RXFP1: variants seen among roughly 807,000 people sequenced by gnomAD.
RXFP1 encodes the protein relaxin receptor 1.
In RXFP1, 73 loss-of-function variants were observed where a neutral mutation model predicts 89.8. That is an observed-to-expected ratio of 0.81 (90% confidence interval 0.67 to 0.99). RXFP1 has a LOEUF of 0.99. Ranked by LOEUF, RXFP1 falls within the 50% of genes least tolerant of loss-of-function variation. The probability of loss-of-function intolerance (pLI) is 0.00; values close to 1 mark genes in which losing one functional copy is unlikely to be tolerated. For missense variants in RXFP1, 793 were observed against 895.5 expected (o/e 0.89, Z 1.46); for synonymous variants, 277 against 305.5 (o/e 0.91, Z 0.97).
At chr4:158,541,380 A>ACACACACACACG (rs1248381072) in intron 1 of RXFP1, among the ~76,000 whole-genome samples, 43 of 151,720 alleles carry the variant, frequency 2.8e-4, no homozygotes, top group African/African-American at 9.9e-4. Context: ...ACACACACAC[A>ACACACACACACG]CAGTGTCCAG....
intron 1 of RXFP1, among the ~76,000 whole-genome samples, chr4:158,554,684 T>C (rs1298640888): frequency 6.6e-6 from 1 of 152,068 alleles, no homozygotes; most frequent in Non-Finnish European, 1.5e-5. Context: ...TTTAGCAAAT[T>C]ATTTACACAC....
chr4:158,584,274 G>C (rs139611185), intron 2 of RXFP1, among the ~76,000 whole-genome samples: 10,169 of 151,828 alleles, frequency 0.067, 442 homozygotes, highest in Non-Finnish European at 0.11. Flanking sequence ...CTCTACTAAA[G>C]ATACAAAAAA....
intron 1 of RXFP1, among the ~76,000 whole-genome samples, chr4:158,557,318 T>C (rs1305053681): frequency 6.6e-6 from 1 of 152,238 alleles, no homozygotes; most frequent in African/African-American, 2.4e-5. Context: ...ACTAATAATT[T>C]AGGTTTGTAT....
At chr4:158,602,699 A>G (rs955923214) in intron 4 of RXFP1, among the ~76,000 whole-genome samples, 8 of 152,236 alleles carry the variant, frequency 5.3e-5, no homozygotes, top group African/African-American at 1.9e-4. Context: ...CAGGTATCCA[A>G]CATGTGCAAA....
intron 2 of RXFP1, among the ~76,000 whole-genome samples, chr4:158,591,372 C>T (rs1579881610): frequency 6.6e-6 from 1 of 152,234 alleles, no homozygotes; most frequent in Non-Finnish European, 1.5e-5. Context: ...GCACCTTGAA[C>T]TTGTTCCTGG....
rs551959239 is a variant in RXFP1 at position 158,614,957 on chromosome 4, G to A, written c.681-2174G>A. Among the ~76,000 whole-genome samples the A allele has an allele frequency of 3.3e-5, 5 of 151,970 alleles. No individual in the cohort carries two copies. In the East Asian group the frequency reaches 9.7e-4, roughly 29 times the overall value. On this transcript the variant is annotated intron_variant, in intron 8 of 17. Coordinates refer to ENST00000307765, the MANE Select transcript of RXFP1 (RefSeq NM_021634.4). ...TCTGAGAAGTAGGTCTCAAGAGTGG[G>A]TTTAAAATATTTAGTTAACCATGCT... is the stretch of plus-strand genomic sequence containing the variant.
intron 3 of RXFP1, among the ~76,000 whole-genome samples, chr4:158,595,642 T>C (rs1760404225): frequency 6.6e-6 from 1 of 152,232 alleles, no homozygotes; most frequent in South Asian, 2.1e-4. Flanking sequence ...TATATTTTTT[T>C]CTTCATGTTC....
At chr4:158,546,346 T>A (rs1748402632) in intron 1 of RXFP1, among the ~76,000 whole-genome samples, 1 of 152,214 alleles carries the variant, frequency 6.6e-6, no homozygotes, top group South Asian at 2.1e-4. Context: ...TAAAGAGATT[T>A]TGGGCTGAGA....
chr4:158,549,326 G>A (rs1749450707), intron 1 of RXFP1, among the ~76,000 whole-genome samples: 1 of 152,084 alleles, frequency 6.6e-6, no homozygotes, highest in Non-Finnish European at 1.5e-5. Context: ...ACTTCTCTGT[G>A]TTGGTTATTC....
rs183526056 is a variant in RXFP1, at chr4:158,606,923, T to G, written c.465-1049T>G. On this transcript the variant is annotated intron_variant, in intron 5 of 17. Transcript: ENST00000307765. The stretch of plus-strand genomic sequence containing the variant: ...AACATTTCACAATCAAAGTTAGGTT[T>G]TCTTGCATGTTGGAGAAATAGGGTA... 4.7e-4 allele frequency: 338 copies of G among 723,468 alleles called. No homozygotes were observed. The African/African-American group carries it at 5.2e-3, about 11-fold the overall frequency. 44.8% of individuals were successfully genotyped at this position (723,468 alleles called of 1,614,324 possible).
intron 2 of RXFP1, among the ~76,000 whole-genome samples, chr4:158,582,677 T>C (rs1395706668): frequency 6.6e-6 from 1 of 152,206 alleles, no homozygotes; most frequent in Non-Finnish European, 1.5e-5. Flanking sequence ...TATTCCTGTG[T>C]CAAGCCAGAG....
intron 14 of RXFP1, 38 bp downstream of exon 14, chr4:158,639,369 A>G (rs772911565): frequency 2.6e-6 from 3 of 1,142,636 alleles, no homozygotes; most frequent in East Asian, 4.7e-5. Flanking sequence ...TGTGATGTTA[A>G]TATTTGTTTC....
intron 15 of RXFP1, chr4:158,646,422 A>G (rs1394505665): frequency 3.0e-5 from 34 of 1,137,128 alleles, no homozygotes; most frequent in Non-Finnish European, 3.8e-5. Context: ...AGAACCAAGT[A>G]ATGCCATCCT....
At chr4:158,644,041 CTTTTTTTTTT>C (rs70962619) in intron 14 of RXFP1, among the ~76,000 whole-genome samples, 1 of 78,310 alleles carries the variant, frequency 1.3e-5, no homozygotes, top group African/African-American at 4.3e-5. Flanking sequence ...TCTATGTCTT[CTTTTTTTTTT>C]TTTTTTTTTT....
In RXFP1 at chr4:158,563,570, C is replaced by A. The variant is rs139836070; in HGVS notation, c.50-9128C>A. Reference sequence around the variant, plus strand: ...GGAATACTGAAATAAATCTGATTAACACATGCAAAAGAGACCAATAATCTA... The same window carrying A: ...GGAATACTGAAATAAATCTGATTAAAACATGCAAAAGAGACCAATAATCTA... On this transcript the variant is annotated intron_variant, in intron 1 of 17. Transcript: ENST00000307765. Among the ~76,000 whole-genome samples the A allele has an allele frequency of 2.1e-3, 323 of 151,604 alleles. 1 individual carries two copies. The highest frequency in any genetic ancestry group is 7.4e-3 in the African/African-American group (304 of 41,316).
rs1438155859 is a variant in RXFP1, at chr4:158,588,571, C to A, written c.188-4830C>A. Among the ~76,000 whole-genome samples the A allele has an allele frequency of 2.0e-5, 3 of 152,168 alleles. No individual in the cohort carries two copies. In the South Asian group the frequency reaches 6.2e-4, roughly 31 times the overall value. On this transcript the variant is annotated intron_variant, in intron 2 of 17. Transcript: ENST00000307765. Reference sequence around the variant, plus strand: ...CCTGAAATCCCCTTCCACAATTGCTCCTATGTTTCTGTTTTAGACAGAGCA... The same window carrying A: ...CCTGAAATCCCCTTCCACAATTGCTACTATGTTTCTGTTTTAGACAGAGCA...
intron 12 of RXFP1, among the ~76,000 whole-genome samples, chr4:158,635,409 T>A (rs1054123185): frequency 6.6e-6 from 1 of 152,232 alleles, no homozygotes; most frequent in Non-Finnish European, 1.5e-5. Context: ...CAAATGGATT[T>A]CTTTTTAGTT....
Position 158,651,933 on chromosome 4 carries a change from A to G in RXFP1, c.2152A>G (p.Ile718Val). The change falls in exon 18 of 18, where the codon ATC (isoleucine) becomes GTC (valine). Residue 718 changes from isoleucine to valine, a missense_variant. Physicochemically the swap from Ile to Val is conservative, Grantham distance 29. Transcript: ENST00000307765. ...TCAGAAAACATATGCTCCATCATTCATCTGGGTGGAAATGTGGCCACTGCA... is the reference window on the plus strand; with the variant it reads ...TCAGAAAACATATGCTCCATCATTCGTCTGGGTGGAAATGTGGCCACTGCA... ...KGQKTYAPSFIWVEMWPLQEM... is the reference protein window; with the variant it reads ...KGQKTYAPSFVWVEMWPLQEM... 6.2e-7 allele frequency: 1 copy of G among 1,614,184 alleles called. No homozygotes were observed. The highest frequency in any genetic ancestry group is 8.5e-7 in the Non-Finnish European group (1 of 1,180,026).
At position 158,534,410 on chromosome 4, in the gene RXFP1, G is replaced by C. The variant is rs563626035; in HGVS notation, c.49+12385G>C. Among the ~76,000 whole-genome samples, 3 of 152,062 alleles carry C rather than the reference G, an allele frequency of 2.0e-5. No individual in the cohort carries two copies. The South Asian group carries it at 6.2e-4, about 32-fold the overall frequency. On this transcript the variant is annotated intron_variant, in intron 1 of 17. Transcript: ENST00000307765. ...TTACAGGCATGCACCACCACACCCA[G>C]CTAATTTTGTATTTTTATTAGAGAC...
Sources: allele counts gnomAD v4.1 joint callset (sites outside exome capture counted in the v4.1 genomes callset), GRCh38; gene constraint gnomAD v4.1.1; transcripts MANE v1.5; gene names NCBI Gene and HGNC (gene_info 2026-07-23, HGNC 2026-07-21).